CNKSR3: variants seen among roughly 807,000 people sequenced by gnomAD.
The protein encoded by CNKSR3 is connector enhancer of kinase suppressor of ras 3.
Under a neutral mutation model 67.7 loss-of-function variants are expected in CNKSR3, and 36 were observed. That is an observed-to-expected ratio of 0.53 (90% CI 0.41 to 0.70). CNKSR3 has a LOEUF of 0.70. Ranked by LOEUF, CNKSR3 falls within the 30% of genes least tolerant of loss-of-function variation. The pLI is 0.00. For missense variants in CNKSR3, 630 were observed against 695.2 expected, an observed-to-expected ratio of 0.91 and a Z score of 1.05; for synonymous variants, 281 against 271.4, an observed-to-expected ratio of 1.04 and a Z score of -0.35.
chr6:154,505,226 T>C (rs1253359654), intron 1 of CNKSR3, among the ~76,000 whole-genome samples: 2 of 150,468 alleles, frequency 1.3e-5, no homozygotes, highest in African/African-American at 4.9e-5. Context: ...CAGATCTCTG[T>C]AGTTAACTTG....
chr6:154,505,830 C>G (rs762577949), intron 1 of CNKSR3, among the ~76,000 whole-genome samples: 1 of 152,102 alleles, frequency 6.6e-6, no homozygotes, highest in Non-Finnish European at 1.5e-5. Flanking sequence ...CCTACCCACT[C>G]GAGGCTGATC....
intron 2 of CNKSR3, 100 bp downstream of exon 2, chr6:154,449,995 A>G (rs1324115752): frequency 8.9e-7 from 1 of 1,121,950 alleles, no homozygotes; most frequent in African/African-American, 1.6e-5. Flanking sequence ...ATGGAGCATT[A>G]AGGAAAGAGT....
intron 1 of CNKSR3, among the ~76,000 whole-genome samples, chr6:154,475,034 A>G (rs1432344240): frequency 6.6e-6 from 1 of 152,124 alleles, no homozygotes; most frequent in Non-Finnish European, 1.5e-5. Context: ...GGTTAAATCT[A>G]AGTCTTGTTT....
At chr6:154,488,736 T>A (rs1185224947) in intron 1 of CNKSR3, among the ~76,000 whole-genome samples, 1 of 152,164 alleles carries the variant, frequency 6.6e-6, no homozygotes, top group East Asian at 1.9e-4. Flanking sequence ...ATAACAGCTA[T>A]CCATGTCCTC....
chr6:154,417,283 G>T (rs371286105), intron 9 of CNKSR3, among the ~76,000 whole-genome samples: 3 of 152,214 alleles, frequency 2.0e-5, no homozygotes, highest in African/African-American at 7.2e-5. Context: ...GGCTTGGAAA[G>T]ATTACATACC....
chr6:154,439,197 T>C (rs1443420614), intron 4 of CNKSR3, among the ~76,000 whole-genome samples: 1 of 152,192 alleles, frequency 6.6e-6, no homozygotes, highest in Non-Finnish European at 1.5e-5. Context: ...CATATATTCA[T>C]ATATAAAAGT....
intron 4 of CNKSR3, chr6:154,433,733 T>C: frequency 2.3e-6 from 1 of 434,446 alleles, no homozygotes; most frequent in Non-Finnish European, 4.1e-6. Flanking sequence ...TAAGGAGTTC[T>C]CATCCAAGGA....
At position 154,404,997 on chromosome 6, in the gene CNKSR3, C is replaced by G. The variant is rs1336043721; in HGVS notation, c.*1357G>C. The G allele has an allele frequency of 6.6e-6, 1 of 152,196 alleles. No homozygotes were observed. The highest frequency in any genetic ancestry group is 1.5e-5 in the Non-Finnish European group (1 of 68,040). 9.4% of individuals were successfully genotyped at this position (152,196 alleles called of 1,614,324 possible). On this transcript the variant is annotated 3_prime_UTR_variant, in exon 13 of 13. Transcript: ENST00000607772. The stretch of plus-strand genomic sequence containing the variant: ...GCTGAATTCCAGGCAGTTCAGCAAA[C>G]TCAACAATTCCGGTGGTATGAGAAA...
chr6:154,453,046 A>T (rs1409533416), intron 1 of CNKSR3, among the ~76,000 whole-genome samples: 1 of 152,260 alleles, frequency 6.6e-6, no homozygotes, highest in African/African-American at 2.4e-5. Context: ...GTCTTAAACA[A>T]GGCCCAGTCA....
chr6:154,441,704 A>T (rs1785590849), intron 3 of CNKSR3, among the ~76,000 whole-genome samples: 1 of 152,124 alleles, frequency 6.6e-6, no homozygotes, highest in African/African-American at 2.4e-5. Context: ...TGACACATAA[A>T]ATAGCAATCT....
At chr6:154,441,260 A>AAAAAAAAAAAG (rs1554233441) in intron 4 of CNKSR3, 32 bp downstream of exon 4, 5 of 1,259,584 alleles carry the variant, frequency 4.0e-6, no homozygotes, top group Admixed American at 2.2e-5. Flanking sequence ...AAAAAAAAAA[A>AAAAAAAAAAAG]AAAAAGAAAG....
rs1205134240 is a variant in CNKSR3 at position 154,400,054 on chromosome 6, AATT to A, written c.*6297_*6299del. The A allele has an allele frequency of 6.6e-6, 1 of 152,192 alleles. No individual in the cohort carries two copies. The highest frequency in any genetic ancestry group is 1.5e-5 in the Non-Finnish European group (1 of 68,036). The allele number at this position is 152,192 out of a possible 1,614,324, so 9.4% of individuals were successfully genotyped here. On this transcript the variant is annotated 3_prime_UTR_variant, in exon 13 of 13. Transcript: ENST00000607772. ...ATCCTTATCCCTGGGTGTGAGGAGTAATTACTCTACTGCCCTTTTAAATACCTT... is the reference window on the plus strand; with the variant it reads ...ATCCTTATCCCTGGGTGTGAGGAGTAACTCTACTGCCCTTTTAAATACCTT...
chr6:154,462,672 C>T (rs1472142550), intron 1 of CNKSR3, among the ~76,000 whole-genome samples: 1 of 152,194 alleles, frequency 6.6e-6, no homozygotes, highest in African/African-American at 2.4e-5. Context: ...CGAGGCCTTT[C>T]CCTGTGAGGT....
intron 9 of CNKSR3, among the ~76,000 whole-genome samples, chr6:154,419,572 T>C (rs1198611768): frequency 2.0e-5 from 3 of 152,116 alleles, no homozygotes; most frequent in African/African-American, 7.2e-5. Flanking sequence ...AGTGGTGCCA[T>C]TATGGAAAAC....
intron 6 of CNKSR3, among the ~76,000 whole-genome samples, chr6:154,429,866 T>C (rs187741356): frequency 6.6e-5 from 10 of 152,252 alleles, no homozygotes; most frequent in Admixed American, 2.0e-4. Context: ...GAAACTGACA[T>C]GTAAAGAGGT....
chr6:154,441,569 C>T (rs368724090), intron 3 of CNKSR3, among the ~76,000 whole-genome samples, 190 bp from the exon 4 acceptor site: 5 of 152,130 alleles, frequency 3.3e-5, no homozygotes, highest in Non-Finnish European at 7.3e-5. Context: ...CTGCAATCTA[C>T]GCCTCCCAGG....
At chr6:154,501,708 T>C (rs1786998855) in intron 1 of CNKSR3, among the ~76,000 whole-genome samples, 1 of 152,198 alleles carries the variant, frequency 6.6e-6, no homozygotes, top group Non-Finnish European at 1.5e-5. Context: ...TTCACCTCTC[T>C]GCTTTATTTT....
chr6:154,425,008 G>C (rs1785227551), intron 7 of CNKSR3, among the ~76,000 whole-genome samples: 1 of 152,156 alleles, frequency 6.6e-6, no homozygotes, highest in African/African-American at 2.4e-5. Context: ...TTTACCTCAG[G>C]TAATCCGCCC....
At chr6:154,463,324 C>T (rs1011593561) in intron 1 of CNKSR3, among the ~76,000 whole-genome samples, 1 of 152,142 alleles carries the variant, frequency 6.6e-6, no homozygotes, top group African/African-American at 2.4e-5. Context: ...CGGCCCGCCT[C>T]GGCCTCCCAA....
Sources: allele counts gnomAD v4.1 joint callset (sites outside exome capture counted in the v4.1 genomes callset), GRCh38; gene constraint gnomAD v4.1.1; transcripts MANE v1.5; gene names NCBI Gene and HGNC (gene_info 2026-07-23, HGNC 2026-07-21).